Variants in ABCG5 observed in about 807,000 individuals in gnomAD.
ABCG5 encodes the protein ATP-binding cassette sub-family G member 5.
ABCG5 carries 64 observed loss-of-function variants against 64.5 expected under a neutral mutation model. That is an observed-to-expected ratio of 0.99 (90% CI 0.81 to 1.22). The LOEUF is 1.22. Ranked by LOEUF, ABCG5 falls within the 50% of genes most tolerant of loss-of-function variation. ABCG5 has a pLI of 0.00. For missense variants in ABCG5, 908 were observed against 829.5 expected (o/e 1.09, Z -1.16); for synonymous variants, 385 against 326.3 (o/e 1.18, Z -1.94).
upstream of ABCG5, chr2:43,839,131 G>T: frequency 6.4e-7 from 1 of 1,550,530 alleles, no homozygotes. Context: ...GTGAGCAATG[G>T]GAAGTCGGCC....
chr2:43,822,499 T>A, intron 10 of ABCG5: 1 of 494,422 alleles, frequency 2.0e-6, no homozygotes, highest in Non-Finnish European at 2.5e-6. Flanking sequence ...TGCACCTGGG[T>A]CCTAGCTACT....
At chr2:43,824,719 A>G (rs903968139) in intron 7 of ABCG5, 170 bp downstream of exon 7, 7 of 925,098 alleles carry the variant, frequency 7.6e-6, no homozygotes, top group Non-Finnish European at 6.5e-6. Context: ...TCATTCTGAT[A>G]GTCATCTCTG....
chr2:43,839,032 G>A, upstream of ABCG5: 13 of 1,550,474 alleles, frequency 8.4e-6, no homozygotes, highest in Non-Finnish European at 1.1e-5. Flanking sequence ...CTGCAGCCCA[G>A]GGTCACAGAC....
In ABCG5 at chr2:43,819,933, A is replaced by T. The variant is rs1667078197; in HGVS notation, c.1631T>A (p.Val544Asp). 1.2e-6 allele frequency: 2 copies of T among 1,614,150 alleles called. No individual in the cohort carries two copies. The highest frequency in any genetic ancestry group is 1.7e-6 in the Non-Finnish European group (2 of 1,180,040). ...VALLSIAGVL[V>D]GSGFLRNIQE... ...ATCTTACCTGAGGAATCCAGATCCA[A>T]CAAGCACCCCCGCAATGGACAGCAG... Residue 544 changes from valine to aspartate, a missense_variant, in exon 11 of 13, where the codon GTT (valine) becomes GAT (aspartate). By Grantham distance (152) the Val-to-Asp change is radical. Transcript: ENST00000405322.
At position 43,838,680 on chromosome 2, in the gene ABCG5, G is replaced by C; in HGVS notation, c.-1C>G. ...GGGTCAAAGATGAGAGGTCACCCAT[G>C]GCCAACAGGCAGCAAAGCTGGGCAA... On this transcript the variant is annotated 5_prime_UTR_variant, in exon 1 of 13. Transcript: ENST00000405322. This position sits in a 1 kb window ranked among gnomAD's most constrained non-coding sequence, Gnocchi z 4.2. 6.2e-7 allele frequency: 1 copy of C among 1,613,620 alleles called. No homozygotes were observed. Among genetic ancestry groups the C allele is most frequent in the Non-Finnish European group, 8.5e-7 (1 of 1,179,940 alleles).
chr2:43,839,213 C>A (rs72647317), upstream of ABCG5: 658 of 1,312,602 alleles, frequency 5.0e-4, 2 homozygotes, highest in African/African-American at 7.6e-3. Flanking sequence ...CCTAGCACCA[C>A]CCGGACATCA....
At chr2:43,816,852 G>C (rs1666867524) in intron 11 of ABCG5, among the ~76,000 whole-genome samples, 1 of 152,220 alleles carries the variant, frequency 6.6e-6, no homozygotes, top group African/African-American at 2.4e-5. Flanking sequence ...GATACTTCAG[G>C]TAACTTTTAC....
chr2:43,815,444 A>C (rs1383680974), intron 11 of ABCG5, among the ~76,000 whole-genome samples: 1 of 152,236 alleles, frequency 6.6e-6, no homozygotes, highest in Non-Finnish European at 1.5e-5. Flanking sequence ...TATTTGTGCC[A>C]AGAAAGTATA....
In ABCG5 at chr2:43,813,109, G is replaced by T; in HGVS notation, c.*7C>A. ...CTTCACTTCCATTTTCCCAGCCATGGCTTTCACTACCTGCTAATGAGATGA... is the reference window on the plus strand; with the variant it reads ...CTTCACTTCCATTTTCCCAGCCATGTCTTTCACTACCTGCTAATGAGATGA... On this transcript the variant is annotated 3_prime_UTR_variant, in exon 13 of 13. Transcript: ENST00000405322. 1 of 1,094,396 alleles carries T rather than the reference G, an allele frequency of 9.1e-7. No homozygotes were observed. The highest frequency in any genetic ancestry group is 1.4e-6 in the Non-Finnish European group (1 of 705,336). The allele number at this position is 1,094,396 out of a possible 1,614,324, so 67.8% of individuals were successfully genotyped here. A position where few individuals can be genotyped will look rare whatever the true frequency, so the allele number is the denominator to read the frequency against.
rs1189004306 is a variant in ABCG5 at position 43,838,325 on chromosome 2, C to G, written c.143+212G>C. On this transcript the variant is annotated intron_variant, in intron 1 of 12. Coordinates refer to ENST00000405322, the MANE Select transcript of ABCG5 (RefSeq NM_022436.3). The surrounding 1 kb of genome is among the most constrained non-coding windows in gnomAD (Gnocchi z 4.2). ...GCACTGCTGCCACTTTGTTTATGCC[C>G]AGGCCCTTCCCTGGGCAGGGGGAGG... The G allele has an allele frequency of 4.8e-6, 3 of 618,578 alleles. No individual in the cohort carries two copies. Among genetic ancestry groups the G allele is most frequent in the Non-Finnish European group, 8.5e-6 (3 of 354,682 alleles). The allele number at this position is 618,578 out of a possible 1,614,324, so 38.3% of individuals were successfully genotyped here. A position where few individuals can be genotyped will look rare whatever the true frequency, so the allele number is the denominator to read the frequency against.
At position 43,823,922 on chromosome 2, in the gene ABCG5, C is replaced by T; in HGVS notation, c.1315G>A (p.Val439Met). 1 of 1,614,104 alleles carries T rather than the reference C, an allele frequency of 6.2e-7. No individual in the cohort carries two copies. The highest frequency in any genetic ancestry group is 1.1e-5 in the South Asian group (1 of 91,076). Residue 439 changes from valine to methionine, a missense_variant, in exon 9 of 13, where the codon GTG becomes ATG. By Grantham distance (21) the Val-to-Met change is conservative. Coordinates refer to ENST00000405322, the MANE Select transcript of ABCG5 (RefSeq NM_022436.3). ...ATPYTGMLNA[V>M]NLFPVLRAVS... is the part of the protein sequence containing the mutation. ...GCACGTGGGCACTTACACAGATTCACAGCGTTCAGCATGCCTGTGTACGGG... is the reference window on the plus strand; with the variant it reads ...GCACGTGGGCACTTACACAGATTCATAGCGTTCAGCATGCCTGTGTACGGG...
At chr2:43,807,827 C>T (rs1202861742), downstream of ABCG5, among the ~76,000 whole-genome samples, 2 of 143,016 alleles carry the variant, frequency 1.4e-5, no homozygotes, top group African/African-American at 5.1e-5. Context: ...CAGTTATCTT[C>T]GGAAAACTTT....
At chr2:43,823,561 A>G (rs1667388364) in intron 9 of ABCG5, among the ~76,000 whole-genome samples, 1 of 152,152 alleles carries the variant, frequency 6.6e-6, no homozygotes, top group Non-Finnish European at 1.5e-5. Context: ...AAGAGAAGCT[A>G]ACGGTACAAA....
intron 2 of ABCG5, among the ~76,000 whole-genome samples, chr2:43,835,732 C>A (rs142907376): frequency 1.3e-5 from 2 of 152,134 alleles, no homozygotes; most frequent in Non-Finnish European, 2.9e-5. Flanking sequence ...AGAGACCCCT[C>A]CCCACTTCTG....
intron 2 of ABCG5, 127 bp downstream of exon 2, chr2:43,837,707 G>A: frequency 7.8e-7 from 1 of 1,289,674 alleles, no homozygotes; most frequent in Non-Finnish European, 1.1e-6. Flanking sequence ...TCCATTCACA[G>A]TCAGATATCA....
chr2:43,806,781 A>G, the ABCG5 span, among the ~76,000 whole-genome samples: 2 of 152,222 alleles, frequency 1.3e-5, no homozygotes, highest in African/African-American at 2.4e-5. Context: ...ACTTAAAACC[A>G]TAAGAATTTT....
rs1558765033 is a variant in ABCG5, at chr2:43,832,009, ACAC to A, written c.337_339del (p.Val113del). Reference sequence around the variant, plus strand: ...CGGCGCAGCGCCCGGCCGTTCACATACACCTCCCCCAGGAAGGTCCCCGCGCGC... The same window carrying A: ...CGGCGCAGCGCCCGGCCGTTCACATACTCCCCCAGGAAGGTCCCCGCGCGC... On this transcript the variant is annotated inframe_deletion, in exon 3 of 13. Coordinates refer to ENST00000405322, the MANE Select transcript of ABCG5 (RefSeq NM_022436.3). 6.4e-7 allele frequency: 1 copy of A among 1,565,036 alleles called. No homozygotes were observed. The highest frequency in any genetic ancestry group is 1.2e-5 in the South Asian group (1 of 84,946).
chr2:43,826,661 G>A, intron 5 of ABCG5, 140 bp from the exon 6 acceptor site: 1 of 1,338,050 alleles, frequency 7.5e-7, no homozygotes. Flanking sequence ...ATGTAAACTG[G>A]CTTTCAGCCT....
chr2:43,819,481 CT>C (rs4148199), intron 11 of ABCG5, among the ~76,000 whole-genome samples: 19,391 of 142,530 alleles, frequency 0.14, 2,443 homozygotes, highest in African/African-American at 0.34. Context: ...ATCCTGCAGG[CT>C]TTTTTTTTTT....
Sources: gnomAD v4.1 joint callset for allele counts (sites outside exome capture counted in the v4.1 genomes callset) on GRCh38, gnomAD v4.1.1 for gene constraint, Gnocchi (gnomAD v3.1) non-coding constraint, MANE v1.5 for transcripts, NCBI Gene and HGNC (gene_info 2026-07-23, HGNC 2026-07-21) for gene names.